RABGAP1L: variants seen among roughly 807,000 people sequenced by gnomAD.
The protein encoded by RABGAP1L is RAB GTPase activating protein 1 like.
A neutral mutation model predicts 137.7 loss-of-function variants in RABGAP1L; 63 were observed. The ratio of observed to expected loss-of-function variants is 0.46; its 90% CI spans 0.37 to 0.56. The LOEUF is 0.56. Ranked by LOEUF, RABGAP1L falls within the 20% of genes least tolerant of loss-of-function variation. RABGAP1L has a pLI of 0.00. For synonymous variants in RABGAP1L, 431 were observed against 433.7 expected (o/e 0.99, Z 0.08); for missense variants, 1,095 against 1,244.0 (o/e 0.88, Z 1.80).
intron 12 of RABGAP1L, among the ~76,000 whole-genome samples, chr1:174,375,819 C>G (rs962009298): frequency 6.6e-6 from 1 of 152,108 alleles, no homozygotes; most frequent in Non-Finnish European, 1.5e-5. Context: ...AATCCCAGCA[C>G]TTCAGGAGGC....
intron 15 of RABGAP1L, among the ~76,000 whole-genome samples, chr1:174,687,721 T>C (rs1678584898): frequency 6.6e-6 from 1 of 152,232 alleles, no homozygotes; most frequent in South Asian, 2.1e-4. Context: ...ATTGCTTCTT[T>C]TTGCTGCCAG....
At chr1:174,645,699 A>G (rs1329436824) in intron 14 of RABGAP1L, among the ~76,000 whole-genome samples, 1 of 152,158 alleles carries the variant, frequency 6.6e-6, no homozygotes, top group Non-Finnish European at 1.5e-5. Flanking sequence ...GTGTCTTTAT[A>G]GTAGAATGAT....
In RABGAP1L at chr1:174,519,099, A is replaced by G. The variant is rs1663126647; in HGVS notation, c.1711-118276A>G. Among the ~76,000 whole-genome samples the G allele has an allele frequency of 3.3e-5, 5 of 151,872 alleles. No homozygotes were observed. The South Asian group carries it at 8.3e-4, about 25-fold the overall frequency. Reference sequence around the variant, plus strand: ...AGAACTAATATATATATACACACACACACACACATACACACACACACACGT... The same window carrying G: ...AGAACTAATATATATATACACACACGCACACACATACACACACACACACGT... On this transcript the variant is annotated intron_variant, in intron 13 of 25. Coordinates refer to ENST00000681986, the MANE Select transcript of RABGAP1L (RefSeq NM_001366446.1).
At chr1:174,620,428 A>C (rs1221827034) in intron 13 of RABGAP1L, among the ~76,000 whole-genome samples, 1 of 152,342 alleles carries the variant, frequency 6.6e-6, no homozygotes, top group East Asian at 1.9e-4. Context: ...AATTATAACA[A>C]ACTGTCTCTC....
chr1:174,848,477 A>G (rs1376509976), intron 19 of RABGAP1L, among the ~76,000 whole-genome samples: 2,610 of 148,270 alleles, frequency 0.018, 40 homozygotes, highest in Non-Finnish European at 0.026. Flanking sequence ...GTCTGTTGGA[A>G]TACCCTGCAG....
At chr1:174,182,349 T>C (rs894255496) in intron 1 of RABGAP1L, among the ~76,000 whole-genome samples, 3 of 152,192 alleles carry the variant, frequency 2.0e-5, no homozygotes, top group Non-Finnish European at 2.9e-5. Context: ...TAAGTGACCT[T>C]AATAGTTTTC....
At chr1:174,375,609 G>A (rs1685456176) in intron 12 of RABGAP1L, among the ~76,000 whole-genome samples, 1 of 152,080 alleles carries the variant, frequency 6.6e-6, no homozygotes, top group Non-Finnish European at 1.5e-5. Context: ...AGAAGCTTAG[G>A]TGAAATCGAC....
chr1:174,421,745 G>A (rs1409029182), intron 13 of RABGAP1L, among the ~76,000 whole-genome samples: 3 of 152,134 alleles, frequency 2.0e-5, no homozygotes, highest in African/African-American at 7.2e-5. Context: ...GAAAGTTTGT[G>A]TTTTTTGTTG....
intron 17 of RABGAP1L, among the ~76,000 whole-genome samples, chr1:174,705,959 A>G (rs1680011888): frequency 1.3e-5 from 2 of 152,196 alleles, no homozygotes; most frequent in Non-Finnish European, 2.9e-5. Flanking sequence ...TTACTTAAAA[A>G]TGGAAGGATA....
chr1:174,870,380 T>C (rs985704425), intron 19 of RABGAP1L, among the ~76,000 whole-genome samples: 6 of 152,256 alleles, frequency 3.9e-5, no homozygotes, highest in Non-Finnish European at 7.3e-5. Flanking sequence ...CTAATTATTG[T>C]ATTACATGAC....
chr1:174,685,243 GTTCT>G (rs1249223759), intron 15 of RABGAP1L, among the ~76,000 whole-genome samples: 1 of 151,916 alleles, frequency 6.6e-6, no homozygotes, highest in Non-Finnish European at 1.5e-5. Context: ...ATGATGATGA[GTTCT>G]TTCTTTCTCT....
chr1:174,719,476 T>C (rs146542551), intron 17 of RABGAP1L, among the ~76,000 whole-genome samples: 141 of 152,294 alleles, frequency 9.3e-4, no homozygotes, highest in African/African-American at 3.1e-3. Flanking sequence ...TCTCTCTAAG[T>C]TCAAGAAAAG....
chr1:174,196,529 C>T (rs1048733703), intron 1 of RABGAP1L, among the ~76,000 whole-genome samples: 3 of 151,286 alleles, frequency 2.0e-5, no homozygotes, highest in African/African-American at 7.3e-5. Flanking sequence ...ATTTCTTAAT[C>T]CTTTTATTCT....
At chr1:174,969,456 C>T in intron 21 of RABGAP1L, 69 bp downstream of exon 21, 3 of 1,185,310 alleles carry the variant, frequency 2.5e-6, no homozygotes, top group South Asian at 1.3e-5. Context: ...ATCACCGCCC[C>T]CACAAACTTG....
At chr1:174,173,074 A>G (rs1393227686) in intron 1 of RABGAP1L, among the ~76,000 whole-genome samples, 2 of 151,842 alleles carry the variant, frequency 1.3e-5, no homozygotes, top group East Asian at 3.8e-4. Context: ...TAAATATATA[A>G]TTATCTGAGT....
At chr1:174,947,702 AAGCCACCGCACCCAGCC>A (rs1431100166) in intron 19 of RABGAP1L, among the ~76,000 whole-genome samples, 2 of 152,102 alleles carry the variant, frequency 1.3e-5, no homozygotes, top group Non-Finnish European at 2.9e-5. Flanking sequence ...TTACAGGTGT[AAGCCACCGCACCCAGCC>A]AGCCTGTTTA....
At chr1:174,505,088 G>A (rs1661690773) in intron 13 of RABGAP1L, among the ~76,000 whole-genome samples, 1 of 152,078 alleles carries the variant, frequency 6.6e-6, no homozygotes, top group East Asian at 1.9e-4. Flanking sequence ...CATAAAAATG[G>A]CCAGCAGGTA....
Position 174,720,148 on chromosome 1 carries a change from C to T in RABGAP1L, c.2169+17892C>T, listed in dbSNP as rs114280917. ...GGAAATACACTCACGTATTTGTGGG[C>T]ATTTGATTTTCAACAAGGATGCCAA... On this transcript the variant is annotated intron_variant, in intron 17 of 25. Transcript: ENST00000681986. Among the ~76,000 whole-genome samples the T allele has an allele frequency of 1.0e-3, 156 of 152,192 alleles. 1 individual carries two copies. The highest frequency in any genetic ancestry group is 1.8e-3 in the Non-Finnish European group (120 of 68,018).
At chr1:174,869,319 T>TA (rs1553268313) in intron 19 of RABGAP1L, among the ~76,000 whole-genome samples, 28 of 152,140 alleles carry the variant, frequency 1.8e-4, no homozygotes, top group African/African-American at 6.7e-4. Context: ...GAGTGGATCA[T>TA]GGGAGGTGAG....
Sources: gnomAD v4.1 joint callset for allele counts (sites outside exome capture counted in the v4.1 genomes callset) on GRCh38, gnomAD v4.1.1 for gene constraint, MANE v1.5 for transcripts, NCBI Gene and HGNC (gene_info 2026-07-23, HGNC 2026-07-21) for gene names.